The following LRRIQ1 variants were observed in gnomAD, a reference collection of about 807,000 sequenced individuals.
LRRIQ1 encodes leucine-rich repeat- and IQ domain-containing protein 1.
In LRRIQ1, 210 loss-of-function variants were observed where a neutral mutation model predicts 211.9. The ratio of observed to expected loss-of-function variants is 0.99; its 90% CI spans 0.89 to 1.11. The LOEUF (loss-of-function observed/expected upper bound fraction) is 1.11. LRRIQ1 is among the 50% of genes most tolerant of loss of function. The probability of loss-of-function intolerance (pLI) is 0.00; values close to 1 mark genes in which losing one functional copy is unlikely to be tolerated. For missense variants in LRRIQ1, 2,136 were observed against 1,939.5 expected (o/e 1.10, Z -1.90); for synonymous variants, 699 against 650.1 (o/e 1.08, Z -1.14).
intron 24 of LRRIQ1, among the ~76,000 whole-genome samples, chr12:85,163,416 G>A (rs145636167): frequency 2.5e-4 from 38 of 152,252 alleles, no homozygotes; most frequent in African/African-American, 8.2e-4. Flanking sequence ...ATTCCATGTG[G>A]AACAGTATCT....
chr12:85,040,670 A>G (rs1878768183), intron 3 of LRRIQ1, 69 bp downstream of exon 3: 7 of 890,788 alleles, frequency 7.9e-6, no homozygotes, highest in Non-Finnish European at 1.1e-5. Flanking sequence ...AATTTAGTAA[A>G]CTAAAGTGCT....
chr12:85,143,790 G>T (rs1889702118), intron 19 of LRRIQ1, among the ~76,000 whole-genome samples: 1 of 151,374 alleles, frequency 6.6e-6, no homozygotes, highest in South Asian at 2.1e-4. Context: ...TCAAACCTTT[G>T]TAATTTAATG....
intron 24 of LRRIQ1, among the ~76,000 whole-genome samples, chr12:85,193,374 A>T (rs1892706659): frequency 7.9e-6 from 1 of 126,658 alleles, no homozygotes; most frequent in African/African-American, 3.1e-5. Flanking sequence ...TAATTGTCAG[A>T]TTCACCAAAG....
chr12:85,197,868 T>C (rs1354987199), intron 24 of LRRIQ1, among the ~76,000 whole-genome samples: 2 of 132,392 alleles, frequency 1.5e-5, no homozygotes, highest in African/African-American at 5.7e-5. Context: ...ATAATAAATA[T>C]AATAAATTTA....
At chr12:85,233,052 A>G (rs1056778964) in intron 26 of LRRIQ1, 1 of 285,276 alleles carries the variant, frequency 3.5e-6, no homozygotes. Context: ...TTTCTTGGAT[A>G]TTTTAGAAGA....
Position 85,153,685 on chromosome 12 carries a change from T to G in LRRIQ1, c.4564T>G (p.Trp1522Gly), listed in dbSNP as rs779899460. The change falls in exon 22 of 27, where the codon TGG becomes GGG. Residue 1522 changes from tryptophan to glycine, a missense_variant. Trp to Gly is a radical substitution (Grantham distance 184). Coordinates refer to ENST00000393217, the MANE Select transcript of LRRIQ1 (RefSeq NM_001079910.2). ...NSRSENKTSSWTPESKTSRKS... is the reference protein window; with the variant it reads ...NSRSENKTSSGTPESKTSRKS... ...CAGATCAGAAAATAAAACTTCTTCC[T>G]GGACACCTGAATCAAAGACCAGTAG... is the stretch of plus-strand genomic sequence containing the variant. 4.4e-5 allele frequency: 70 copies of G among 1,583,548 alleles called. No homozygotes were observed. In the East Asian group the frequency reaches 1.5e-3, roughly 35 times the overall value.
chr12:85,098,729 A>T (rs977185798), intron 12 of LRRIQ1, 138 bp from the exon 13 acceptor site: 3 of 698,952 alleles, frequency 4.3e-6, no homozygotes, highest in Non-Finnish European at 6.6e-6. Context: ...ATTCATATTT[A>T]AAAAGTCTTA....
chr12:85,101,329 CAT>C (rs1299664927), intron 13 of LRRIQ1, among the ~76,000 whole-genome samples: 9 of 151,736 alleles, frequency 5.9e-5, no homozygotes, highest in African/African-American at 1.9e-4. Flanking sequence ...TTCAGTAAGA[CAT>C]GTGACTGTTT....
At chr12:85,106,706 T>C in intron 15 of LRRIQ1, 91 bp downstream of exon 15, 1 of 785,822 alleles carries the variant, frequency 1.3e-6, no homozygotes, top group Non-Finnish European at 2.1e-6. Flanking sequence ...AACAATTACC[T>C]AGGATAAGTT....
chr12:85,153,524 T>G (rs1890362051), intron 21 of LRRIQ1, 139 bp from the exon 22 acceptor site: 4 of 641,350 alleles, frequency 6.2e-6, no homozygotes, highest in African/African-American at 1.9e-5. Context: ...TGGCAGACTT[T>G]TATTGCCTTT....
At chr12:85,254,146 C>CT (rs1008433087) in intron 1 of LRRIQ1, among the ~76,000 whole-genome samples, 1 of 152,040 alleles carries the variant, frequency 6.6e-6, no homozygotes, top group African/African-American at 2.4e-5. Context: ...TCTGCTCCCC[C>CT]TTTACCTTTG....
chr12:85,230,847 A>G (rs1307946647), intron 25 of LRRIQ1, among the ~76,000 whole-genome samples: 2 of 151,974 alleles, frequency 1.3e-5, no homozygotes, highest in East Asian at 1.9e-4. Context: ...CAGGAGATCG[A>G]AACCATCCTG....
At chr12:85,091,697 C>T (rs570289039) in intron 11 of LRRIQ1, among the ~76,000 whole-genome samples, 3 of 152,196 alleles carry the variant, frequency 2.0e-5, no homozygotes, top group South Asian at 2.1e-4. Flanking sequence ...AGTAAAGGTC[C>T]GGTTTTATTC....
chr12:85,232,843 CTA>C (rs746944976), intron 26 of LRRIQ1, 87 bp downstream of exon 26: 20 of 878,758 alleles, frequency 2.3e-5, no homozygotes, highest in Non-Finnish European at 3.6e-5. Flanking sequence ...TATAATTAAA[CTA>C]TGAAAATATC....
In LRRIQ1 at chr12:85,263,158, A is replaced by G. The variant is rs1050276771; in HGVS notation, c.*98A>G. 1.7e-5 allele frequency: 12 copies of G among 699,550 alleles called. No individual in the cohort carries two copies. In the African/African-American group the frequency reaches 1.7e-4, roughly 10 times the overall value. The allele number at this position is 699,550 out of a possible 1,614,324, so 43.3% of individuals were successfully genotyped here. ...ACTGGATACAAGGTTTTAGACTCCT[A>G]TATTTAATTTGGTTTATTATACGTA... On this transcript the variant is annotated 3_prime_UTR_variant, in exon 2 of 2. Coordinates refer to the LRRIQ1 transcript ENST00000602731.
chr12:85,167,882 C>CTA (rs1891230328), intron 24 of LRRIQ1, among the ~76,000 whole-genome samples: 2 of 151,368 alleles, frequency 1.3e-5, no homozygotes, highest in African/African-American at 4.9e-5. Context: ...AATGCCTAAC[C>CTA]TAACGCAGCT....
At position 85,056,367 on chromosome 12, in the gene LRRIQ1, T is replaced by G; in HGVS notation, c.1574T>G (p.Phe525Cys). 6.3e-7 allele frequency: 1 copy of G among 1,592,192 alleles called. No homozygotes were observed. The highest frequency in any genetic ancestry group is 8.5e-7 in the Non-Finnish European group (1 of 1,174,398). The change falls in exon 8 of 27, where the codon TTT becomes TGT. Residue 525 changes from phenylalanine (F) to cysteine (C), a missense_variant. Physicochemically the swap from Phe to Cys is radical, Grantham distance 205 (BLOSUM62 -2). Coordinates refer to ENST00000393217, the MANE Select transcript of LRRIQ1 (RefSeq NM_001079910.2). Reference protein sequence around the residue: ...SDLKGNLKEQFPLQELKSDAQ... With the variant: ...SDLKGNLKEQCPLQELKSDAQ... ...CTAAAAGGAAATCTGAAAGAACAGT[T>G]TCCATTGCAAGAATTAAAGTCTGAT...
intron 24 of LRRIQ1, among the ~76,000 whole-genome samples, chr12:85,211,451 G>A (rs574733884): frequency 6.6e-6 from 1 of 152,238 alleles, no homozygotes; most frequent in African/African-American, 2.4e-5. Context: ...CCTAGCAGTG[G>A]CTGTGATTTT....
In LRRIQ1 at chr12:85,154,174, A is replaced by G. The variant is rs1425121002; in HGVS notation, c.4720+80A>G. On this transcript the variant is annotated intron_variant, in intron 23 of 26. Transcript: ENST00000393217. ...TTCTTTAAAATATATTTTATAAATT[A>G]TGTTTAATAAGAACAGTAATCAATT... 3 of 729,344 alleles carry G rather than the reference A, an allele frequency of 4.1e-6. No individual in the cohort carries two copies. The African/African-American group carries it at 5.6e-5, about 14-fold the overall frequency. The allele number at this position is 729,344 out of a possible 1,614,324, so 45.2% of individuals were successfully genotyped here.
Sources: gnomAD v4.1 joint callset for allele counts (sites outside exome capture counted in the v4.1 genomes callset) on GRCh38, gnomAD v4.1.1 for gene constraint, MANE v1.5 for transcripts, NCBI Gene and HGNC (gene_info 2026-07-23, HGNC 2026-07-21) for gene names.